Variants in RTL4 observed in about 807,000 individuals in gnomAD.
RTL4 encodes the protein retrotransposon Gag-like protein 4.
Under a neutral mutation model 5.3 loss-of-function variants are expected in RTL4, and 4 were observed. That is an observed-to-expected ratio of 0.75 (90% CI 0.37 to 1.72). The LOEUF (loss-of-function observed/expected upper bound fraction) is 1.72, where lower values mean the gene tolerates loss of function less well. Ranked by LOEUF, RTL4 falls within the 40% of genes most tolerant of loss-of-function variation. The pLI is 0.04. For missense variants in RTL4, 260 were observed against 227.1 expected (o/e 1.14, Z -0.93); for synonymous variants, 98 against 87.3 (o/e 1.12, Z -0.68).
At chrX:112,094,453 G>A in the RTL4 span, among the ~76,000 whole-genome samples, 2 of 110,820 alleles carry the variant, frequency 1.8e-5, no homozygotes, top group Admixed American at 9.6e-5. Context: ...AGAGTTGGTC[G>A]TATAAGTCTG....
At chrX:112,106,373 C>T in the RTL4 span, among the ~76,000 whole-genome samples, 1 of 111,708 alleles carries the variant, frequency 9.0e-6, no homozygotes, top group Non-Finnish European at 1.9e-5. Flanking sequence ...TGAAAGTATA[C>T]CCTAGACTTC....
At chrX:112,142,950 T>C in the RTL4 span, among the ~76,000 whole-genome samples, 6 of 110,877 alleles carry the variant, frequency 5.4e-5, no homozygotes, top group Non-Finnish European at 7.6e-5. Context: ...TACCTAAGCC[T>C]CCCGAGTAGC....
chrX:112,129,000 A>G, the RTL4 span, among the ~76,000 whole-genome samples: 1 of 111,708 alleles, frequency 9.0e-6, no homozygotes, highest in African/African-American at 3.3e-5. Flanking sequence ...ACAAAAGGGC[A>G]AACAATCCAC....
chrX:112,384,389 G>T, the RTL4 span, among the ~76,000 whole-genome samples: 1 of 111,896 alleles, frequency 8.9e-6, no homozygotes, highest in African/African-American at 3.2e-5. Context: ...TTTGTATAAG[G>T]TGTAAGGAAG....
the RTL4 span, among the ~76,000 whole-genome samples, chrX:112,247,946 A>G: frequency 8.9e-6 from 1 of 112,226 alleles, no homozygotes. Context: ...AACCTCCCAT[A>G]TCTTTCATCT....
At chrX:112,451,528 G>A (rs1926735394), upstream of RTL4, among the ~76,000 whole-genome samples, 1 of 111,828 alleles carries the variant, frequency 8.9e-6, no homozygotes, top group African/African-American at 3.3e-5. Context: ...AACTTGCTAT[G>A]TGTATGAAGC....
chrX:112,349,329 G>C, the RTL4 span, among the ~76,000 whole-genome samples: 1 of 110,954 alleles, frequency 9.0e-6, no homozygotes, highest in Non-Finnish European at 1.9e-5. Flanking sequence ...CTTATCACTT[G>C]ATAACCAGTT....
chrX:112,299,930 C>G, the RTL4 span, among the ~76,000 whole-genome samples: 1 of 111,134 alleles, frequency 9.0e-6, no homozygotes, highest in Middle Eastern at 4.2e-3. Context: ...ATATATCACA[C>G]AAAATAAAAT....
At chrX:112,185,376 A>ATATATATATATATATATAT in the RTL4 span, among the ~76,000 whole-genome samples, 9 of 85,309 alleles carry the variant, frequency 1.1e-4, no homozygotes, top group Non-Finnish European at 2.0e-4. Context: ...CTATTTTATT[A>ATATATATATATATATATAT]ATATATATAT....
chrX:112,175,335 G>A, the RTL4 span, among the ~76,000 whole-genome samples: 1 of 100,835 alleles, frequency 9.9e-6, no homozygotes, highest in Admixed American at 1.1e-4. Context: ...ATTAAATAGG[G>A]AATCCTTTCC....
chrX:112,382,418 T>C, the RTL4 span, among the ~76,000 whole-genome samples: 1 of 111,124 alleles, frequency 9.0e-6, no homozygotes, highest in Non-Finnish European at 1.9e-5. Context: ...TTAACTAGCT[T>C]TTTCTTTAAA....
chrX:112,248,578 A>C, the RTL4 span, among the ~76,000 whole-genome samples: 1 of 112,175 alleles, frequency 8.9e-6, no homozygotes, highest in Non-Finnish European at 1.9e-5. Flanking sequence ...CATATACCCT[A>C]TCATTCTTAT....
chrX:112,314,843 C>T, the RTL4 span, among the ~76,000 whole-genome samples: 1 of 111,354 alleles, frequency 9.0e-6, no homozygotes, highest in African/African-American at 3.3e-5. Flanking sequence ...TATCTCTGAC[C>T]AAGTCCCTTT....
chrX:112,424,884 C>A, the RTL4 span, among the ~76,000 whole-genome samples: 7 of 110,956 alleles, frequency 6.3e-5, no homozygotes, highest in Non-Finnish European at 1.3e-4. Flanking sequence ...CAACATCCTG[C>A]ACCATAGTGG....
chrX:112,203,590 T>A, the RTL4 span, among the ~76,000 whole-genome samples: 1 of 111,082 alleles, frequency 9.0e-6, no homozygotes, highest in African/African-American at 3.3e-5. Context: ...GCTTCTCTGT[T>A]CTGTTCCATT....
At chrX:112,388,840 C>T in the RTL4 span, among the ~76,000 whole-genome samples, 2 of 111,420 alleles carry the variant, frequency 1.8e-5, no homozygotes, top group African/African-American at 6.5e-5. Flanking sequence ...ATTTTTGCAT[C>T]GATGTTCATC....
chrX:112,313,892 A>G, the RTL4 span, among the ~76,000 whole-genome samples: 1 of 111,005 alleles, frequency 9.0e-6, no homozygotes, highest in African/African-American at 3.3e-5. Context: ...GGAGTTGAGT[A>G]TTCTCAGCAT....
chrX:112,393,147 C>CTTTTTTTTTTTTTTTTTTTTTTTTTTTT, the RTL4 span, among the ~76,000 whole-genome samples: 3 of 81,488 alleles, frequency 3.7e-5, no homozygotes, highest in Admixed American at 1.3e-4. Flanking sequence ...TTCTTTCTTT[C>CTTTTTTTTTTTTTTTTTTTTTTTTTTTT]TTTTTTTTTT....
the RTL4 span, among the ~76,000 whole-genome samples, chrX:112,311,329 C>A: frequency 1.8e-5 from 2 of 110,643 alleles, no homozygotes; most frequent in African/African-American, 6.6e-5. Context: ...GACCTCTTTC[C>A]CCATCTGATT....
Sources: gnomAD v4.1 joint callset for allele counts (sites outside exome capture counted in the v4.1 genomes callset) on GRCh38, gnomAD v4.1.1 for gene constraint, MANE v1.5 for transcripts, NCBI Gene and HGNC (gene_info 2026-07-23, HGNC 2026-07-21) for gene names.